The following TGFA variants were observed in gnomAD, a reference collection of about 807,000 sequenced individuals.
TGFA encodes protransforming growth factor alpha.
A neutral mutation model predicts 21.7 loss-of-function variants in TGFA; 12 were observed. That is an observed-to-expected ratio of 0.55 (90% CI 0.35 to 0.90). TGFA has a LOEUF of 0.90. TGFA is among the 40% of genes least tolerant of loss of function. TGFA has a pLI of 0.01. For missense variants in TGFA, 178 were observed against 210.8 expected, an observed-to-expected ratio of 0.84 and a Z score of 0.96; for synonymous variants, 79 against 88.1, an observed-to-expected ratio of 0.90 and a Z score of 0.58.
intron 1 of TGFA, 61 bp downstream of exon 1, chr2:70,553,667 C>A (rs1673587189): frequency 3.0e-6 from 4 of 1,328,028 alleles, no homozygotes; most frequent in South Asian, 2.2e-5. Flanking sequence ...GGGAACTCGG[C>A]GGGGACCGGG....
At chr2:70,552,849 G>A (rs929040665) in intron 1 of TGFA, among the ~76,000 whole-genome samples, 5 of 152,220 alleles carry the variant, frequency 3.3e-5, no homozygotes, top group African/African-American at 1.2e-4. Context: ...CAGGACACCT[G>A]CGCTATTGAT....
rs553306127 is a variant in TGFA at position 70,531,450 on chromosome 2, A to G, written c.41-16538T>C. Among the ~76,000 whole-genome samples the G allele has an allele frequency of 3.3e-5, 5 of 152,374 alleles. No homozygotes were observed. In the South Asian group the frequency reaches 8.3e-4, roughly 25 times the overall value. On this transcript the variant is annotated intron_variant, in intron 1 of 5. Coordinates refer to ENST00000295400, the MANE Select transcript of TGFA (RefSeq NM_003236.4). The stretch of plus-strand genomic sequence containing the variant: ...ACTGCGTTTAAAAAAATAAAAAGCC[A>G]TGAGATATAAGCAACATAAGTGGGG...
chr2:70,511,919 AC>A (rs1553500977), intron 2 of TGFA, among the ~76,000 whole-genome samples: 1 of 151,688 alleles, frequency 6.6e-6, no homozygotes, highest in African/African-American at 2.4e-5. Flanking sequence ...ACACACACAC[AC>A]ACACACACAC....
chr2:70,490,652 C>A (rs1671407477), intron 2 of TGFA, among the ~76,000 whole-genome samples: 1 of 152,204 alleles, frequency 6.6e-6, no homozygotes, highest in Admixed American at 6.5e-5. Context: ...TGTCTTTCAG[C>A]ATCATGTTGA....
rs1574067033 is a variant in TGFA, at chr2:70,456,362, A to G, written c.342T>C (p.Leu114=). The G allele has an allele frequency of 1.3e-6, 2 of 1,562,596 alleles. No individual in the cohort carries two copies. The highest frequency in any genetic ancestry group is 2.4e-5 in the East Asian group (1 of 41,596). The change falls in exon 4 of 6, where the codon CTT becomes CTC. Residue 114 remains leucine, a synonymous_variant. Transcript: ENST00000295400. The part of the protein sequence containing the change: ...VVVSIVALAV[L]IITCVLIHCC... ...ACTGTATCAGCACACATGTGATGAT[A>G]AGGACAGCCAGGGCCACGATGGAGA...
intron 1 of TGFA, among the ~76,000 whole-genome samples, chr2:70,533,098 G>A (rs1250665428): frequency 1.3e-5 from 2 of 152,004 alleles, no homozygotes; most frequent in Non-Finnish European, 2.9e-5. Context: ...CTGGGCTCAA[G>A]TGATCCGCCC....
intron 1 of TGFA, among the ~76,000 whole-genome samples, chr2:70,535,211 G>T (rs1553504215): frequency 7.6e-6 from 1 of 132,182 alleles, no homozygotes; most frequent in Admixed American, 7.0e-5. Flanking sequence ...ATACCAAGAA[G>T]GTGCCCAAGG....
chr2:70,450,506 TA>T lies in TGFA; in HGVS notation c.*352del, dbSNP rs1391852548. ...GGGGAGGTGGCCCATTAAAAAGAAA[TA>T]TATAGCCTGGAATCCATGGCTGGCA... On this transcript the variant is annotated 3_prime_UTR_variant, in exon 6 of 6. Coordinates refer to ENST00000295400, the MANE Select transcript of TGFA (RefSeq NM_003236.4). 4.3e-6 allele frequency: 1 copy of T among 230,194 alleles called. No individual in the cohort carries two copies. Among genetic ancestry groups the T allele is most frequent in the Admixed American group, 5.2e-5 (1 of 19,160 alleles). 14.3% of individuals were successfully genotyped at this position (230,194 alleles called of 1,614,324 possible).
chr2:70,539,279 T>C (rs940457156), intron 1 of TGFA, among the ~76,000 whole-genome samples: 7 of 152,132 alleles, frequency 4.6e-5, no homozygotes, highest in Non-Finnish European at 1.0e-4. Context: ...GCTGTATCTC[T>C]GAGGTATGCC....
intron 1 of TGFA, chr2:70,553,264 G>C (rs1553507112): frequency 2.0e-6 from 3 of 1,535,994 alleles, no homozygotes; most frequent in African/African-American, 2.7e-5. Flanking sequence ...CTGGGGCTTA[G>C]AGGTGGGCAG....
intron 1 of TGFA, among the ~76,000 whole-genome samples, chr2:70,515,121 GA>G (rs1672232638): frequency 6.6e-6 from 1 of 152,162 alleles, no homozygotes; most frequent in South Asian, 2.1e-4. Flanking sequence ...AAATGCCCAT[GA>G]AAAGCACTGA....
chr2:70,465,713 C>T lies in TGFA; in HGVS notation c.118G>A (p.Val40Met). ...GGGCAGTCATTAAAATGGGACACCA[C>T]TGCTGCAGCCACGGGCGGGTCTGCT... ...LSADPPVAAA[V>M]VSHFNDCPDS... The change falls in exon 3 of 6, where the codon GTG (valine) becomes ATG (methionine). Residue 40 changes from valine (V) to methionine (M), a missense_variant. Val to Met is a conservative substitution (Grantham distance 21). Transcript: ENST00000295400. 2 of 1,614,152 alleles carry T rather than the reference C, an allele frequency of 1.2e-6. No homozygotes were observed. Among genetic ancestry groups the T allele is most frequent in the Non-Finnish European group, 1.7e-6 (2 of 1,180,026 alleles).
At chr2:70,529,781 G>T (rs1000828893) in intron 1 of TGFA, among the ~76,000 whole-genome samples, 1 of 152,222 alleles carries the variant, frequency 6.6e-6, no homozygotes. Flanking sequence ...GCATGTGACA[G>T]AAGAGACACT....
intron 1 of TGFA, among the ~76,000 whole-genome samples, chr2:70,534,819 G>C (rs1553504173): frequency 2.0e-5 from 3 of 152,118 alleles, no homozygotes; most frequent in Non-Finnish European, 4.4e-5. Flanking sequence ...TGAAAGTCTG[G>C]CTGCATTTAG....
chr2:70,537,902 A>G (rs1214337407), intron 1 of TGFA, among the ~76,000 whole-genome samples: 1 of 152,232 alleles, frequency 6.6e-6, no homozygotes, highest in African/African-American at 2.4e-5. Flanking sequence ...CAATTAGAAG[A>G]TGATGCCATC....
Position 70,447,844 on chromosome 2 carries a change from A to G in TGFA, c.*3015T>C, listed in dbSNP as rs1490364611. 6.6e-6 allele frequency: 1 copy of G among 152,212 alleles called. No individual in the cohort carries two copies. The highest frequency in any genetic ancestry group is 1.5e-5 in the Non-Finnish European group (1 of 68,030). 9.4% of individuals were successfully genotyped at this position (152,212 alleles called of 1,614,324 possible). A position where few individuals can be genotyped will look rare whatever the true frequency, so the allele number is the denominator to read the frequency against. ...GAGATCAAAGCCCAGAACCAACTAGAGGGCAGGGGTCTCCTGAGCAGTGTT... is the reference window on the plus strand; with the variant it reads ...GAGATCAAAGCCCAGAACCAACTAGGGGGCAGGGGTCTCCTGAGCAGTGTT... On this transcript the variant is annotated 3_prime_UTR_variant, in exon 6 of 6. Coordinates refer to ENST00000295400, the MANE Select transcript of TGFA (RefSeq NM_003236.4).
At chr2:70,499,067 T>C (rs1299466272) in intron 2 of TGFA, among the ~76,000 whole-genome samples, 2 of 152,130 alleles carry the variant, frequency 1.3e-5, no homozygotes, top group African/African-American at 4.8e-5. Context: ...AGAACTCTAG[T>C]TCTACTCAAT....
At chr2:70,473,681 A>G (rs1440717971) in intron 2 of TGFA, among the ~76,000 whole-genome samples, 3 of 101,716 alleles carry the variant, frequency 2.9e-5, no homozygotes, top group African/African-American at 8.5e-5. Context: ...GCTGTCTTAG[A>G]GGGGGGTGTG....
At chr2:70,550,082 C>T (rs1329360153) in intron 1 of TGFA, among the ~76,000 whole-genome samples, 5 of 152,244 alleles carry the variant, frequency 3.3e-5, no homozygotes, top group African/African-American at 1.2e-4. Context: ...GTCCCTCAGT[C>T]CTGACTTAAA....
Sources: allele counts gnomAD v4.1 joint callset (sites outside exome capture counted in the v4.1 genomes callset), GRCh38; gene constraint gnomAD v4.1.1; transcripts MANE v1.5; gene names NCBI Gene and HGNC (gene_info 2026-07-23, HGNC 2026-07-21).